SLIT3: variants seen among roughly 807,000 people sequenced by gnomAD.
SLIT3 encodes the protein slit homolog 3 protein.
Under a neutral mutation model 184.0 loss-of-function variants are expected in SLIT3, and 68 were observed. The observed-to-expected ratio is 0.37, with a 90% CI of 0.30 to 0.45. SLIT3 has a LOEUF of 0.45. Ranked by LOEUF, SLIT3 falls within the 20% of genes least tolerant of loss-of-function variation. The pLI, the probability that SLIT3 is intolerant of heterozygous loss-of-function variation, is 1.00. For missense variants in SLIT3, 1,707 were observed against 2,026.0 expected (o/e 0.84, Z 3.02); for synonymous variants, 831 against 828.6 (o/e 1.00, Z -0.05).
intron 4 of SLIT3, among the ~76,000 whole-genome samples, chr5:169,188,187 G>C (rs1763424411): frequency 6.6e-6 from 1 of 152,178 alleles, no homozygotes; most frequent in Admixed American, 6.5e-5. Context: ...TCGAACTCCT[G>C]AGCTCAGGCA....
chr5:169,059,097 C>T (rs1758097915), intron 4 of SLIT3, among the ~76,000 whole-genome samples: 1 of 152,174 alleles, frequency 6.6e-6, no homozygotes, highest in South Asian at 2.1e-4. Flanking sequence ...CATCCTTCAG[C>T]TGGTGCCAAG....
chr5:168,783,858 A>G (rs1330179490), intron 12 of SLIT3, among the ~76,000 whole-genome samples: 1 of 152,180 alleles, frequency 6.6e-6, no homozygotes, highest in Admixed American at 6.5e-5. Context: ...CTTGGTCTCA[A>G]GAGAGGAGAG....
chr5:168,963,312 C>T (rs1443647990), intron 4 of SLIT3, among the ~76,000 whole-genome samples: 1 of 152,214 alleles, frequency 6.6e-6, no homozygotes, highest in Non-Finnish European at 1.5e-5. Flanking sequence ...GCTGGGATTA[C>T]AGGCATGCAC....
At chr5:168,700,314 T>C (rs1762177500) in intron 27 of SLIT3, among the ~76,000 whole-genome samples, 3 of 152,188 alleles carry the variant, frequency 2.0e-5, no homozygotes, top group African/African-American at 7.2e-5. Context: ...GTTTCTCCCA[T>C]ACTGTTCTCA....
chr5:168,759,265 T>C (rs1053732281), intron 16 of SLIT3, among the ~76,000 whole-genome samples: 3 of 152,236 alleles, frequency 2.0e-5, no homozygotes, highest in African/African-American at 7.2e-5. Context: ...ATTAGGGTCC[T>C]GCGAGCCTCT....
At chr5:169,246,688 A>AG (rs199764275) in intron 2 of SLIT3, among the ~76,000 whole-genome samples, 1,565 of 152,216 alleles carry the variant, frequency 0.01, 40 homozygotes, top group African/African-American at 0.036. Flanking sequence ...TGGGAGGCTG[A>AG]GGCAGGTGGA....
At chr5:168,823,654 A>C (rs1331328197) in intron 6 of SLIT3, among the ~76,000 whole-genome samples, 14 of 152,150 alleles carry the variant, frequency 9.2e-5, no homozygotes, top group Admixed American at 9.2e-4. Flanking sequence ...TTACATCTAC[A>C]ATGCCAGTTA....
At chr5:168,934,176 G>C (rs13359333) in intron 4 of SLIT3, among the ~76,000 whole-genome samples, 25,158 of 152,106 alleles carry the variant, frequency 0.17, 3,253 homozygotes, top group African/African-American at 0.36. Context: ...GAGGGAGAAC[G>C]CTCCTCGTAG....
rs1337048247 is a variant in SLIT3 at position 168,749,626 on chromosome 5, C to T, written c.1983G>A (p.Leu661=). ...TLVSLSTINL[L]SNPFNCNCHL... is the part of the protein sequence containing the mutation. ...GGCAGTTGCAGTTGAAGGGGTTGGACAGGAGGTTTCTAGGAAGAGAGAAGG... is the reference window on the plus strand; with the variant it reads ...GGCAGTTGCAGTTGAAGGGGTTGGATAGGAGGTTTCTAGGAAGAGAGAAGG... The change falls in exon 19 of 36, where the codon CTG becomes CTA. Residue 661 remains leucine (L), a synonymous_variant. Transcript: ENST00000519560. 6.2e-7 allele frequency: 1 copy of T among 1,614,036 alleles called. No individual in the cohort carries two copies. Among genetic ancestry groups the T allele is most frequent in the Non-Finnish European group, 8.5e-7 (1 of 1,180,014 alleles).
At chr5:169,211,797 G>A (rs530616744) in intron 3 of SLIT3, among the ~76,000 whole-genome samples, 24 of 152,008 alleles carry the variant, frequency 1.6e-4, no homozygotes, top group South Asian at 1.0e-3. Context: ...CTAGCCCCCC[G>A]TCCCCAGACG....
intron 4 of SLIT3, among the ~76,000 whole-genome samples, chr5:169,138,189 C>G (rs1024524367): frequency 3.3e-5 from 5 of 152,208 alleles, no homozygotes; most frequent in Admixed American, 2.0e-4. Flanking sequence ...TGAAGTTTGG[C>G]TGCTAACAGC....
At chr5:168,860,955 T>C (rs572088629) in intron 5 of SLIT3, among the ~76,000 whole-genome samples, 2 of 152,190 alleles carry the variant, frequency 1.3e-5, no homozygotes, top group Non-Finnish European at 2.9e-5. Context: ...TGAGTAACAG[T>C]AAATTTTCTG....
chr5:168,891,692 GA>G, intron 4 of SLIT3, among the ~76,000 whole-genome samples: 1 of 152,280 alleles, frequency 6.6e-6, no homozygotes, highest in South Asian at 2.1e-4. Flanking sequence ...TGACCAAAGG[GA>G]AAAAGGAAAA....
At chr5:169,244,682 A>G (rs772342814) in intron 3 of SLIT3, 23 bp downstream of exon 3, 5 of 1,600,220 alleles carry the variant, frequency 3.1e-6, no homozygotes, top group Non-Finnish European at 3.4e-6. Context: ...ATACTTTAAG[A>G]AAGGAGGCTG....
intron 5 of SLIT3, among the ~76,000 whole-genome samples, chr5:168,879,693 A>G (rs1759879303): frequency 6.6e-6 from 1 of 152,186 alleles, no homozygotes; most frequent in South Asian, 2.1e-4. Flanking sequence ...CAGGAACTGG[A>G]CAGGATGTCA....
At chr5:169,037,990 G>A (rs930362197) in intron 4 of SLIT3, 1 of 152,222 alleles carries the variant, frequency 6.6e-6, no homozygotes, top group African/African-American at 2.4e-5. Flanking sequence ...AAGGCCAAGA[G>A]TATCTTCAGT....
At chr5:169,055,526 A>C (rs1757965510) in intron 4 of SLIT3, among the ~76,000 whole-genome samples, 1 of 152,150 alleles carries the variant, frequency 6.6e-6, no homozygotes. Context: ...GCTTAGGGAG[A>C]GAGTTGGGCA....
intron 8 of SLIT3, among the ~76,000 whole-genome samples, chr5:168,813,062 A>C (rs979903964): frequency 3.3e-5 from 5 of 152,366 alleles, no homozygotes; most frequent in African/African-American, 1.2e-4. Context: ...ACTAGAAGAC[A>C]AGACTAATGT....
rs927278728 is a variant in SLIT3 at position 169,150,961 on chromosome 5, C to G, written c.413+42518G>C. On this transcript the variant is annotated intron_variant, in intron 4 of 35. Coordinates refer to ENST00000519560, the MANE Select transcript of SLIT3 (RefSeq NM_003062.4). ...AATTTGGAAAGATCAAAACTCAAAC[C>G]TTTTCTGACCCTAAGAAAGAGGGTC... is the stretch of plus-strand genomic sequence containing the variant. 3.2e-4 allele frequency among the ~76,000 whole-genome samples: 48 copies of G among 152,210 alleles called. 2 individuals carry two copies. The highest frequency in any genetic ancestry group is 1.1e-3 in the African/African-American group (47 of 41,536).
Sources: allele counts gnomAD v4.1 joint callset (sites outside exome capture counted in the v4.1 genomes callset), GRCh38; gene constraint gnomAD v4.1.1; transcripts MANE v1.5; gene names NCBI Gene and HGNC (gene_info 2026-07-23, HGNC 2026-07-21).